HS2ST1: variants seen among roughly 807,000 people sequenced by gnomAD.
The protein encoded by HS2ST1 is heparan sulfate 2-O-sulfotransferase 1.
HS2ST1 carries 18 observed loss-of-function variants against 42.9 expected under a neutral mutation model. The ratio of observed to expected loss-of-function variants is 0.42; its 90% CI spans 0.29 to 0.62. The LOEUF is 0.62. Among genes scored for constraint, HS2ST1 ranks in the 20% least tolerant of loss-of-function variants. The probability of loss-of-function intolerance (pLI) is 0.21; values close to 1 mark genes in which losing one functional copy is unlikely to be tolerated. For missense variants in HS2ST1, 334 were observed against 433.8 expected, an observed-to-expected ratio of 0.77 and a Z score of 2.04; for synonymous variants, 146 against 152.9, an observed-to-expected ratio of 0.95 and a Z score of 0.33.
intron 1 of HS2ST1, among the ~76,000 whole-genome samples, chr1:87,027,027 A>T (rs1209822170): frequency 6.6e-6 from 1 of 152,200 alleles, no homozygotes; most frequent in African/African-American, 2.4e-5. Context: ...GTATGTATAG[A>T]AACAATTTCT....
chr1:86,945,725 A>G (rs1647313752), intron 1 of HS2ST1, among the ~76,000 whole-genome samples: 1 of 152,182 alleles, frequency 6.6e-6, no homozygotes, highest in South Asian at 2.1e-4. Context: ...AATCTACTAC[A>G]GGAATATGAA....
At chr1:86,989,832 G>GT (rs1648891726) in intron 1 of HS2ST1, among the ~76,000 whole-genome samples, 1 of 152,100 alleles carries the variant, frequency 6.6e-6, no homozygotes, top group Non-Finnish European at 1.5e-5. Context: ...TTGGTTTTCT[G>GT]TTTTTGTGTT....
intron 5 of HS2ST1, among the ~76,000 whole-genome samples, chr1:87,100,523 T>A (rs1652173702): frequency 6.6e-6 from 1 of 152,220 alleles, no homozygotes; most frequent in African/African-American, 2.4e-5. Flanking sequence ...GAGGCCTTTT[T>A]CCCATTGTCT....
At chr1:87,079,701 T>C (rs1175294613) in intron 2 of HS2ST1, among the ~76,000 whole-genome samples, 1 of 152,120 alleles carries the variant, frequency 6.6e-6, no homozygotes, top group Non-Finnish European at 1.5e-5. Flanking sequence ...AGTATGCTTT[T>C]AGTTTGAGCT....
intron 1 of HS2ST1, among the ~76,000 whole-genome samples, chr1:87,042,499 A>G (rs1027865680): frequency 1.8e-4 from 27 of 152,104 alleles, no homozygotes; most frequent in Admixed American, 5.9e-4. Flanking sequence ...CTTTTTAAGG[A>G]AGCCATTATT....
intron 1 of HS2ST1, among the ~76,000 whole-genome samples, chr1:86,937,602 C>T (rs1660682883): frequency 1.3e-5 from 2 of 152,018 alleles, no homozygotes; most frequent in African/African-American, 2.4e-5. Context: ...GAATGCCTTC[C>T]TCTCCTACAT....
chr1:86,952,715 A>G (rs2102187960), intron 1 of HS2ST1, among the ~76,000 whole-genome samples: 1 of 152,350 alleles, frequency 6.6e-6, no homozygotes, highest in Middle Eastern at 3.4e-3. Context: ...TTTCCTGAGC[A>G]ATAGGTCTCA....
At chr1:86,993,605 T>G (rs7544803) in intron 1 of HS2ST1, among the ~76,000 whole-genome samples, 112,278 of 152,022 alleles carry the variant, frequency 0.74, 42,788 homozygotes, top group East Asian at 0.97. Flanking sequence ...ATATATAGGG[T>G]TGAAAACATA....
intron 1 of HS2ST1, among the ~76,000 whole-genome samples, chr1:87,023,065 A>C (rs756903714): frequency 6.6e-5 from 10 of 152,232 alleles, no homozygotes; most frequent in Non-Finnish European, 1.0e-4. Flanking sequence ...AAACAAATAC[A>C]AAATTTGTGT....
Position 87,097,846 on chromosome 1 carries a change from T to A in HS2ST1, c.597T>A (p.Asp199Glu). The A allele has an allele frequency of 6.2e-7, 1 of 1,614,050 alleles. No individual in the cohort carries two copies. The highest frequency in any genetic ancestry group is 8.5e-7 in the Non-Finnish European group (1 of 1,179,962). Residue 199 changes from aspartate to glutamate, a missense_variant, in exon 5 of 7, where the codon GAT becomes GAA. Asp to Glu is a conservative substitution (Grantham distance 45). Coordinates refer to ENST00000370550, the MANE Select transcript of HS2ST1 (RefSeq NM_012262.4). ...RRKQGDKKTF[D>E]ECVAEGGSDC... The stretch of plus-strand genomic sequence containing the variant: ...CTTTGTCTTTGTTCTAGACCTTTGA[T>A]GAATGTGTAGCAGAAGGTGGCTCAG...
At chr1:86,991,508 G>T (rs575034767) in intron 1 of HS2ST1, among the ~76,000 whole-genome samples, 1 of 152,168 alleles carries the variant, frequency 6.6e-6, no homozygotes, top group Non-Finnish European at 1.5e-5. Flanking sequence ...ACAATAGTAG[G>T]TTATAATGTA....
intron 1 of HS2ST1, among the ~76,000 whole-genome samples, chr1:86,960,542 A>G (rs369337239): frequency 1.3e-5 from 2 of 152,236 alleles, no homozygotes; most frequent in South Asian, 2.1e-4. Context: ...ACATACCTGA[A>G]AAAGAACTGG....
intron 5 of HS2ST1, among the ~76,000 whole-genome samples, chr1:87,100,886 A>G (rs1300700920): frequency 1.3e-5 from 2 of 152,174 alleles, no homozygotes; most frequent in Non-Finnish European, 2.9e-5. Context: ...CAGCCTGGGT[A>G]ACAGAGCAAG....
At chr1:87,096,245 G>A (rs1652064293) in intron 4 of HS2ST1, among the ~76,000 whole-genome samples, 1 of 152,060 alleles carries the variant, frequency 6.6e-6, no homozygotes, top group Non-Finnish European at 1.5e-5. Context: ...CCATAGCAGT[G>A]AACTTTTTAT....
At chr1:87,062,717 T>G in intron 1 of HS2ST1, among the ~76,000 whole-genome samples, 1 of 152,186 alleles carries the variant, frequency 6.6e-6, no homozygotes, top group Admixed American at 6.5e-5. Context: ...TAGCCAGTCT[T>G]TTAGGGTAGG....
chr1:87,053,616 C>T (rs1030946560), intron 1 of HS2ST1, among the ~76,000 whole-genome samples: 1 of 152,114 alleles, frequency 6.6e-6, no homozygotes, highest in Non-Finnish European at 1.5e-5. Flanking sequence ...GGTCCAGCTG[C>T]GTGCTTTGTG....
At position 87,092,583 on chromosome 1, in the gene HS2ST1, G is replaced by A; in HGVS notation, c.502G>A (p.Glu168Lys). The change falls in exon 4 of 7, where the codon GAG becomes AAG. Residue 168 changes from glutamate to lysine, a missense_variant. Transcript: ENST00000370550. ...IYINVIRDPIERLVSYYYFLR... is the reference protein window; with the variant it reads ...IYINVIRDPIKRLVSYYYFLR... ...CATTAATGTCATAAGGGATCCTATTGAGAGGCTAGTTTCTTATTATTACTT... is the reference window on the plus strand; with the variant it reads ...CATTAATGTCATAAGGGATCCTATTAAGAGGCTAGTTTCTTATTATTACTT... The A allele has an allele frequency of 6.3e-7, 1 of 1,590,402 alleles. No homozygotes were observed. Among genetic ancestry groups the A allele is most frequent in the Non-Finnish European group, 8.6e-7 (1 of 1,167,964 alleles).
Position 86,914,844 on chromosome 1 carries a change from A to G in HS2ST1, c.-193A>G, listed in dbSNP as rs1302735690. 6.7e-6 allele frequency: 4 copies of G among 598,236 alleles called. No homozygotes were observed. Among genetic ancestry groups the G allele is most frequent in the Non-Finnish European group, 1.1e-5 (4 of 356,358 alleles). The allele number at this position is 598,236 out of a possible 1,614,324, so 37.1% of individuals were successfully genotyped here. A position where few individuals can be genotyped will look rare whatever the true frequency, so the allele number is the denominator to read the frequency against. ...AGTCGGCTGAGGAGAAGCGGACACCAGCGGCGTTGGTGATAGCGCCTGGGG... is the reference window on the plus strand; with the variant it reads ...AGTCGGCTGAGGAGAAGCGGACACCGGCGGCGTTGGTGATAGCGCCTGGGG... On this transcript the variant is annotated 5_prime_UTR_variant, in exon 1 of 7. Coordinates refer to ENST00000370550, the MANE Select transcript of HS2ST1 (RefSeq NM_012262.4).
intron 3 of HS2ST1, among the ~76,000 whole-genome samples, chr1:87,090,429 A>G (rs77787931): frequency 1.4e-3 from 210 of 152,162 alleles, no homozygotes; most frequent in African/African-American, 4.7e-3. Context: ...GCCTACCCTC[A>G]GGTGACTTAT....
Sources: gnomAD v4.1 joint callset for allele counts (sites outside exome capture counted in the v4.1 genomes callset) on GRCh38, gnomAD v4.1.1 for gene constraint, MANE v1.5 for transcripts, NCBI Gene and HGNC (gene_info 2026-07-23, HGNC 2026-07-21) for gene names.